The following RIMBP2 variants were observed in gnomAD, a reference collection of about 807,000 sequenced individuals.
RIMBP2 encodes RIMS binding protein 2, also known as RIMS-binding protein 2.
In RIMBP2, 48 loss-of-function variants were observed where a neutral mutation model predicts 118.6. The ratio of observed to expected loss-of-function variants is 0.40; its 90% CI spans 0.32 to 0.51. The LOEUF is 0.51. RIMBP2 is among the 20% of genes least tolerant of loss of function. RIMBP2 has a pLI of 0.41. For missense variants in RIMBP2, 1,551 were observed against 1,768.3 expected (o/e 0.88, Z 2.20); for synonymous variants, 762 against 742.9 (o/e 1.03, Z -0.42).
At position 130,703,017 on chromosome 12, in the gene RIMBP2, T is replaced by C. The variant is rs565762141; in HGVS notation, c.-352+13205A>G. 7.8e-4 allele frequency among the ~76,000 whole-genome samples: 119 copies of C among 152,248 alleles called. 1 individual carries two copies. Among genetic ancestry groups the C allele is most frequent in the African/African-American group, 2.8e-3 (115 of 41,540 alleles). On this transcript the variant is annotated intron_variant, in intron 1 of 22. Transcript: ENST00000690449. This position sits in a 1 kb window ranked among gnomAD's most constrained non-coding sequence, Gnocchi z 5.7. ...ACTGTGATTTCCAGCAATTTATTCATTTCAGAAAAATGCTGCTGCTACTCA... is the reference window on the plus strand; with the variant it reads ...ACTGTGATTTCCAGCAATTTATTCACTTCAGAAAAATGCTGCTGCTACTCA...
At chr12:130,408,621 G>A (rs7315174) in intron 19 of RIMBP2, among the ~76,000 whole-genome samples, 1 of 152,198 alleles carries the variant, frequency 6.6e-6, no homozygotes, top group African/African-American at 2.4e-5. Context: ...CTCTCAGGAC[G>A]TAAGGAGGCC....
intron 11 of RIMBP2, among the ~76,000 whole-genome samples, chr12:130,439,885 A>ATGTGTATGTGTATC (rs1408295522): frequency 6.7e-5 from 7 of 105,142 alleles, no homozygotes; most frequent in African/African-American, 2.6e-4. Context: ...GTATGTGGGT[A>ATGTGTATGTGTATC]TGTGTATGTG....
intron 2 of RIMBP2, among the ~76,000 whole-genome samples, chr12:130,571,416 A>AC (rs386378267): frequency 0.56 from 58,114 of 103,686 alleles, 12,108 homozygotes; most frequent in Middle Eastern, 0.63. Context: ...CCATAGTAAC[A>AC]TTTTTTTTTT....
intron 2 of RIMBP2, among the ~76,000 whole-genome samples, chr12:130,536,621 G>T (rs888123147): frequency 5.3e-5 from 8 of 152,220 alleles, no homozygotes; most frequent in African/African-American, 1.7e-4. Flanking sequence ...TTGGAGTATA[G>T]AAGTTGTTGC....
intron 1 of RIMBP2, among the ~76,000 whole-genome samples, chr12:130,714,901 G>A (rs925755053): frequency 2.0e-5 from 3 of 152,238 alleles, no homozygotes; most frequent in Admixed American, 2.0e-4. Context: ...AGCCAGGGAG[G>A]GGCCATGTGC....
In RIMBP2 at chr12:130,480,292, A is replaced by G. The variant is rs147824989; in HGVS notation, c.-3-1276T>C. Among the ~76,000 whole-genome samples the G allele has an allele frequency of 9.5e-4, 145 of 152,276 alleles. 3 individuals are homozygous for G. In the East Asian group the frequency reaches 0.026, roughly 27 times the overall value. ...ATCTGGGTCTTTTATATAAAAGACCAGATTCCTTCAAAAATGGGAAGAGTT... is the reference window on the plus strand; with the variant it reads ...ATCTGGGTCTTTTATATAAAAGACCGGATTCCTTCAAAAATGGGAAGAGTT... On this transcript the variant is annotated intron_variant, in intron 4 of 22. Coordinates refer to ENST00000690449, the MANE Select transcript of RIMBP2 (RefSeq NM_001393629.1).
chr12:130,493,601 C>A (rs1047294051), intron 4 of RIMBP2, among the ~76,000 whole-genome samples: 30 of 152,244 alleles, frequency 2.0e-4, no homozygotes, highest in African/African-American at 7.2e-4. Flanking sequence ...AGGCGGGAGC[C>A]ACCATGCCCA....
At chr12:130,414,402 C>A (rs190577509) in intron 17 of RIMBP2, 96 bp from the exon 18 acceptor site, 8 of 1,261,718 alleles carry the variant, frequency 6.3e-6, no homozygotes, top group African/African-American at 3.0e-5. Context: ...AGGATGGCAG[C>A]GGTTCCTTGA....
In RIMBP2 at chr12:130,525,259, C is replaced by T. The variant is rs541346444; in HGVS notation, c.-216-7342G>A. The stretch of plus-strand genomic sequence containing the variant: ...CCAGAGCCTTGAGAGTGGGGACCGG[C>T]AGGTCAGCTACTGCCCAGAAGCCAA... On this transcript the variant is annotated intron_variant, in intron 2 of 22. Transcript: ENST00000690449. This position sits in a 1 kb window ranked among gnomAD's most constrained non-coding sequence, Gnocchi z 4.4. Among the ~76,000 whole-genome samples, 3 of 152,338 alleles carry T rather than the reference C, an allele frequency of 2.0e-5. No homozygotes were observed. The highest frequency in any genetic ancestry group is 3.9e-4 in the East Asian group (2 of 5,178).
At chr12:130,542,367 G>A (rs2054701038) in intron 2 of RIMBP2, among the ~76,000 whole-genome samples, 1 of 152,132 alleles carries the variant, frequency 6.6e-6, no homozygotes. Flanking sequence ...ATCAAATCTA[G>A]TCTACAATAC....
At chr12:130,528,483 A>G (rs986816553) in intron 2 of RIMBP2, among the ~76,000 whole-genome samples, 3 of 152,202 alleles carry the variant, frequency 2.0e-5, no homozygotes, top group African/African-American at 7.2e-5. Flanking sequence ...GAGAATCAGG[A>G]AAAATAGCTA....
chr12:130,566,507 A>G (rs1233729565), intron 2 of RIMBP2, among the ~76,000 whole-genome samples: 3 of 152,246 alleles, frequency 2.0e-5, no homozygotes, highest in Non-Finnish European at 4.4e-5. Context: ...TTCTAGAAGC[A>G]GCAAGCTACC....
At chr12:130,408,907 C>T (rs56083147) in intron 19 of RIMBP2, among the ~76,000 whole-genome samples, 3,172 of 152,242 alleles carry the variant, frequency 0.021, 123 homozygotes, top group African/African-American at 0.073. Flanking sequence ...AACATTCCAG[C>T]GATTACTCTC....
intron 1 of RIMBP2, among the ~76,000 whole-genome samples, chr12:130,664,558 C>T (rs1329918023): frequency 6.6e-6 from 1 of 151,674 alleles, no homozygotes; most frequent in African/African-American, 2.4e-5. Flanking sequence ...ATGAGCACTC[C>T]TCACACCCAG....
In RIMBP2 at chr12:130,414,005, C is replaced by T. The variant is rs780320751; in HGVS notation, c.3420+120G>A. ...CACCATGCCACCTCCTCCCGTGCCT[C>T]GCCCATGGCCTGCAGGAGAAGGCCA... On this transcript the variant is annotated intron_variant, in intron 18 of 22. Transcript: ENST00000690449. The T allele has an allele frequency of 8.3e-6, 9 of 1,079,206 alleles. No homozygotes were observed. The South Asian group carries it at 8.6e-5, about 10-fold the overall frequency. 66.9% of individuals were successfully genotyped at this position (1,079,206 alleles called of 1,614,324 possible). A position where few individuals can be genotyped will look rare whatever the true frequency, so the allele number is the denominator to read the frequency against.
chr12:130,463,099 G>A (rs543896114), intron 6 of RIMBP2, among the ~76,000 whole-genome samples: 1 of 152,346 alleles, frequency 6.6e-6, no homozygotes, highest in East Asian at 1.9e-4. Flanking sequence ...TTGCCTATGG[G>A]GAGGAATTGC....
Position 130,396,827 on chromosome 12 carries a change from T to C in RIMBP2, c.*534A>G, listed in dbSNP as rs1484144300. 1 of 152,652 alleles carries C rather than the reference T, an allele frequency of 6.6e-6. No individual in the cohort carries two copies. The highest frequency in any genetic ancestry group is 6.5e-5 in the Admixed American group (1 of 15,286). The allele number at this position is 152,652 out of a possible 1,614,324, so 9.5% of individuals were successfully genotyped here. ...TGTACAACTTGATCTCAAACCACTG[T>C]GTCAGGATGAAGACCACTGAATGCA... On this transcript the variant is annotated 3_prime_UTR_variant, in exon 23 of 23. Transcript: ENST00000690449.
At chr12:130,534,641 G>A (rs899562121) in intron 2 of RIMBP2, among the ~76,000 whole-genome samples, 3 of 152,226 alleles carry the variant, frequency 2.0e-5, no homozygotes, top group Non-Finnish European at 2.9e-5. Flanking sequence ...CCATCCTGGT[G>A]TGGCACAGTG....
intron 1 of RIMBP2, among the ~76,000 whole-genome samples, chr12:130,646,915 T>C (rs2063008801): frequency 6.6e-6 from 1 of 152,340 alleles, no homozygotes; most frequent in Middle Eastern, 3.4e-3. Context: ...GCCACATTGG[T>C]GTTTGCCAGC....
Sources: allele counts gnomAD v4.1 joint callset (sites outside exome capture counted in the v4.1 genomes callset), GRCh38; gene constraint gnomAD v4.1.1; non-coding constraint Gnocchi (gnomAD v3.1); transcripts MANE v1.5; gene names NCBI Gene and HGNC (gene_info 2026-07-23, HGNC 2026-07-21).